Variants in ANGPT1 observed in about 807,000 individuals in gnomAD.
The protein encoded by ANGPT1 is angiopoietin 1.
A neutral mutation model predicts 62.2 loss-of-function variants in ANGPT1; 17 were observed. The ratio of observed to expected loss-of-function variants is 0.27; its 90% CI spans 0.19 to 0.41. The LOEUF is 0.41. ANGPT1 is among the 10% of genes least tolerant of loss of function. The pLI is 1.00. For synonymous variants in ANGPT1, 199 were observed against 198.9 expected (o/e 1.00, Z 0.00); for missense variants, 478 against 594.9 (o/e 0.80, Z 2.04).
intron 3 of ANGPT1, among the ~76,000 whole-genome samples, chr8:107,333,244 G>A (rs1815465020): frequency 6.6e-6 from 1 of 151,876 alleles, no homozygotes; most frequent in South Asian, 2.1e-4. Context: ...CACACATTAG[G>A]CCCTTAGACA....
intron 1 of ANGPT1, among the ~76,000 whole-genome samples, chr8:107,447,368 A>G (rs887547791): frequency 1.3e-5 from 2 of 152,150 alleles, no homozygotes; most frequent in Non-Finnish European, 2.9e-5. Flanking sequence ...AGAATTATGC[A>G]CTCATGCCTT....
At chr8:107,478,700 CT>C (rs1244971089) in intron 1 of ANGPT1, among the ~76,000 whole-genome samples, 2 of 151,938 alleles carry the variant, frequency 1.3e-5, no homozygotes, top group Non-Finnish European at 1.5e-5. Context: ...GGGTATGTTC[CT>C]TGTCAATAGT....
chr8:107,396,097 T>G (rs1306055369), intron 1 of ANGPT1, among the ~76,000 whole-genome samples: 1 of 152,202 alleles, frequency 6.6e-6, no homozygotes, highest in Non-Finnish European at 1.5e-5. Flanking sequence ...ATCTGTTTAT[T>G]CTTTTGATAG....
intron 1 of ANGPT1, among the ~76,000 whole-genome samples, chr8:107,455,895 A>G (rs1319821338): frequency 6.6e-6 from 1 of 152,014 alleles, no homozygotes; most frequent in Non-Finnish European, 1.5e-5. Flanking sequence ...CAGCCTCAGA[A>G]AGACCCAAAA....
chr8:107,324,051 T>G (rs1000701190), intron 3 of ANGPT1, among the ~76,000 whole-genome samples: 51 of 151,744 alleles, frequency 3.4e-4, no homozygotes, highest in Admixed American at 3.9e-4. Flanking sequence ...AGTGCTGGGA[T>G]TACAGGCATG....
At chr8:107,442,008 C>T (rs1027868192) in intron 1 of ANGPT1, among the ~76,000 whole-genome samples, 2 of 151,918 alleles carry the variant, frequency 1.3e-5, no homozygotes, top group African/African-American at 2.4e-5. Context: ...CGGTTGAACT[C>T]GGGAGGTGGA....
chr8:107,293,609 A>G (rs1321162110), intron 6 of ANGPT1, among the ~76,000 whole-genome samples: 1 of 152,160 alleles, frequency 6.6e-6, no homozygotes, highest in Admixed American at 6.5e-5. Context: ...GCAACCCTGC[A>G]CAGCTCCCTT....
Position 107,370,340 on chromosome 8 carries a change from A to AAAAGAAAGAAAGAAAGAAAG in ANGPT1, c.298-23263_298-23244dup, listed in dbSNP as rs71308727. 7.4e-5 allele frequency among the ~76,000 whole-genome samples: 4 copies of AAAAGAAAGAAAGAAAGAAAG among 54,402 alleles called. 2 individuals are homozygous for AAAAGAAAGAAAGAAAGAAAG. The highest frequency in any genetic ancestry group is 1.4e-4 in the Non-Finnish European group (4 of 28,884). 35.7% of individuals were successfully genotyped at this position (54,402 alleles called of 152,430 possible). On this transcript the variant is annotated intron_variant, in intron 1 of 8. Coordinates refer to ENST00000517746, the MANE Select transcript of ANGPT1 (RefSeq NM_001146.5). ...GAAGGAAAGAGAAAGGAAAGAAAGA[A>AAAAGAAAGAAAGAAAGAAAG]AAAGAAAGAAAGAAAGAAAGAAAGA... is the stretch of plus-strand genomic sequence containing the variant.
chr8:107,451,560 A>G (rs2130455052), intron 1 of ANGPT1, among the ~76,000 whole-genome samples: 1 of 152,078 alleles, frequency 6.6e-6, no homozygotes, highest in Non-Finnish European at 1.5e-5. Context: ...ACATTTATTC[A>G]CTTCACATTT....
chr8:107,391,205 CATCATAATGTGGGGCTGA>C (rs1222655585), intron 1 of ANGPT1, among the ~76,000 whole-genome samples: 1 of 152,144 alleles, frequency 6.6e-6, no homozygotes, highest in Non-Finnish European at 1.5e-5. Context: ...CTCTGGTTCC[CATCATAATGTGGGGCTGA>C]ATCTTCTGGG....
intron 1 of ANGPT1, among the ~76,000 whole-genome samples, chr8:107,408,303 G>A (rs1360993612): frequency 6.6e-6 from 1 of 152,134 alleles, no homozygotes; most frequent in Non-Finnish European, 1.5e-5. Context: ...CATTTTGCAA[G>A]AGCTATTTGA....
rs114191049 is a variant in ANGPT1 at position 107,385,990 on chromosome 8, G to A, written c.298-38893C>T. 8.7e-3 allele frequency among the ~76,000 whole-genome samples: 1,321 copies of A among 151,928 alleles called. 25 individuals carry two copies. Among genetic ancestry groups the A allele is most frequent in the African/African-American group, 0.029 (1,206 of 41,440 alleles). ...CCCAGGAATAAAGCCTACTTGATCC[G>A]GTGAATTAGCTTTAACGGTGGACTG... On this transcript the variant is annotated intron_variant, in intron 1 of 8. Transcript: ENST00000517746.
intron 1 of ANGPT1, among the ~76,000 whole-genome samples, chr8:107,378,137 C>T (rs1191586194): frequency 3.9e-5 from 6 of 152,166 alleles, no homozygotes; most frequent in Non-Finnish European, 8.8e-5. Flanking sequence ...ATTCACTACT[C>T]AATTAAATCA....
At chr8:107,361,204 AT>A (rs1365991941) in intron 1 of ANGPT1, among the ~76,000 whole-genome samples, 2 of 151,880 alleles carry the variant, frequency 1.3e-5, no homozygotes, top group East Asian at 3.9e-4. Context: ...TAATATTATG[AT>A]TTTTTTTAAA....
chr8:107,276,528 G>C (rs1813870252), intron 7 of ANGPT1, among the ~76,000 whole-genome samples: 1 of 151,998 alleles, frequency 6.6e-6, no homozygotes, highest in East Asian at 1.9e-4. Context: ...AAAATGCAGG[G>C]CTTAAATTTA....
At chr8:107,418,957 G>A (rs977397692) in intron 1 of ANGPT1, among the ~76,000 whole-genome samples, 11 of 152,174 alleles carry the variant, frequency 7.2e-5, no homozygotes, top group African/African-American at 2.4e-4. Context: ...TGTGCAAAAC[G>A]CAAATACATA....
chr8:107,431,736 T>C (rs572402340), intron 1 of ANGPT1, among the ~76,000 whole-genome samples: 1,224 of 14,834 alleles, frequency 0.083, 15 homozygotes, highest in African/African-American at 0.27. Flanking sequence ...TACTCTGTCT[T>C]TTTTTTTTTT....
intron 1 of ANGPT1, among the ~76,000 whole-genome samples, chr8:107,425,028 C>A (rs1320595702): frequency 2.0e-5 from 3 of 152,132 alleles, no homozygotes; most frequent in Non-Finnish European, 4.4e-5. Flanking sequence ...GCACGTGTCA[C>A]CACGCCCAGC....
At chr8:107,349,851 G>A (rs1345156341) in intron 1 of ANGPT1, among the ~76,000 whole-genome samples, 1 of 152,086 alleles carries the variant, frequency 6.6e-6, no homozygotes, top group Non-Finnish European at 1.5e-5. Flanking sequence ...AAATGCAGAT[G>A]GAGGTAAAAC....
Sources: gnomAD v4.1 joint callset for allele counts (sites outside exome capture counted in the v4.1 genomes callset) on GRCh38, gnomAD v4.1.1 for gene constraint, MANE v1.5 for transcripts, NCBI Gene and HGNC (gene_info 2026-07-23, HGNC 2026-07-21) for gene names.